DOP1A: variants seen among roughly 807,000 people sequenced by gnomAD.
DOP1A encodes DOP1 leucine zipper like protein A.
DOP1A carries 90 observed loss-of-function variants against 267.6 expected under a neutral mutation model. The ratio of observed to expected loss-of-function variants is 0.34; its 90% confidence interval spans 0.28 to 0.40. The LOEUF (loss-of-function observed/expected upper bound fraction) is 0.40, where lower values mean the gene tolerates loss of function less well. DOP1A is among the 10% of genes least tolerant of loss of function. The pLI is 1.00. For missense variants in DOP1A, 2,437 were observed against 2,900.4 expected (o/e 0.84, Z 3.67); for synonymous variants, 932 against 999.1 (o/e 0.93, Z 1.27).
At chr6:83,134,071 G>T in intron 18 of DOP1A, 116 bp from the exon 19 acceptor site, 1 of 650,066 alleles carries the variant, frequency 1.5e-6, no homozygotes, top group South Asian at 2.9e-5. Context: ...ATGTGTGTTT[G>T]AATATTGTGG....
chr6:83,166,009 T>G (rs1785425190), intron 38 of DOP1A: 1 of 302,884 alleles, frequency 3.3e-6, no homozygotes, highest in Non-Finnish European at 6.4e-6. Context: ...TTGGAGCTTC[T>G]TTCAGTCCAG....
Position 83,121,995 on chromosome 6 carries a change from G to C in DOP1A, c.1165G>C (p.Glu389Gln). The C allele has an allele frequency of 6.2e-7, 1 of 1,611,648 alleles. No individual in the cohort carries two copies. The highest frequency in any genetic ancestry group is 8.5e-7 in the Non-Finnish European group (1 of 1,178,220). ...AACATTATATTCTCAATGCAAAGCAGAGTTGGATCTTCAAACTGAACCACC... is the reference window on the plus strand; with the variant it reads ...AACATTATATTCTCAATGCAAAGCACAGTTGGATCTTCAAACTGAACCACC... ...FRTLYSQCKA[E>Q]LDLQTEPPFS... The change falls in exon 11 of 39, where the codon GAG becomes CAG. Residue 389 changes from glutamate to glutamine, a missense_variant. Glu to Gln is a conservative substitution (Grantham distance 29). Around this residue, in one of 9 missense-constraint regions of DOP1A, gnomAD observed 498 missense variants for 513.5 expected, o/e 0.97. Transcript: ENST00000349129.
Position 83,140,120 on chromosome 6 carries a change from G to A in DOP1A, c.5232+9G>A. 7.5e-6 allele frequency: 12 copies of A among 1,608,534 alleles called. No individual in the cohort carries two copies. The highest frequency in any genetic ancestry group is 9.4e-6 in the Non-Finnish European group (11 of 1,176,288). On this transcript the variant is annotated intron_variant, in intron 22 of 38. Transcript: ENST00000349129. ...CTACACAGTATCACCAAGTAAGACT[G>A]CACAAATATTTGACTTCTTTTGAAA...
At chr6:83,081,269 G>A (rs546316692) in intron 1 of DOP1A, among the ~76,000 whole-genome samples, 69 of 152,008 alleles carry the variant, frequency 4.5e-4, no homozygotes, top group Non-Finnish European at 3.7e-4. Context: ...CACCATGCCC[G>A]GCTAATTTTT....
At position 83,074,310 on chromosome 6, in the gene DOP1A, GTTAT is replaced by G. The variant is rs1195778126; in HGVS notation, c.-147+6537_-147+6540del. Among the ~76,000 whole-genome samples the G allele has an allele frequency of 3.3e-5, 5 of 151,832 alleles. No individual in the cohort carries two copies. The South Asian group carries it at 1.0e-3, about 32-fold the overall frequency. On this transcript the variant is annotated intron_variant, in intron 1 of 38. Transcript: ENST00000349129. ...GATTTTATTTATTTATTTATTTATTGTTATTTATTATGAGATGAAAGGAGGAAAT... is the reference window on the plus strand; with the variant it reads ...GATTTTATTTATTTATTTATTTATTGTTATTATGAGATGAAAGGAGGAAAT...
At chr6:83,105,266 G>T (rs189153088) in intron 4 of DOP1A, among the ~76,000 whole-genome samples, 5 of 144,848 alleles carry the variant, frequency 3.5e-5, no homozygotes, top group African/African-American at 1.3e-4. Flanking sequence ...AACGCTATTT[G>T]TTATACTCAA....
intron 18 of DOP1A, among the ~76,000 whole-genome samples, chr6:83,133,053 TTAAA>T (rs1168174433): frequency 6.6e-6 from 1 of 152,152 alleles, no homozygotes; most frequent in Non-Finnish European, 1.5e-5. Flanking sequence ...AGGAATTGTG[TTAAA>T]TAAATGAAAC....
At chr6:83,113,581 A>G (rs966664537) in intron 7 of DOP1A, among the ~76,000 whole-genome samples, 160 bp downstream of exon 7, 2 of 151,100 alleles carry the variant, frequency 1.3e-5, no homozygotes, top group East Asian at 1.9e-4. Flanking sequence ...ATTTGTTGTG[A>G]AAAAAAACTA....
chr6:83,160,075 T>G lies in DOP1A; in HGVS notation c.6962+115T>G, dbSNP rs1010106651. 1.4e-5 allele frequency: 14 copies of G among 976,576 alleles called. No homozygotes were observed. In the East Asian group the frequency reaches 3.0e-4, roughly 21 times the overall value. The allele number at this position is 976,576 out of a possible 1,614,324, so 60.5% of individuals were successfully genotyped here. ...TGTAAGTTGAAATATTCCTAATTTT[T>G]ACTAAAATGTAATTCTTTTGGCACA... On this transcript the variant is annotated intron_variant, in intron 37 of 38. Transcript: ENST00000349129.
At position 83,151,636 on chromosome 6, in the gene DOP1A, A is replaced by G; in HGVS notation, c.5881A>G (p.Lys1961Glu). 1 of 1,609,202 alleles carries G rather than the reference A, an allele frequency of 6.2e-7. No homozygotes were observed. Among genetic ancestry groups the G allele is most frequent in the Non-Finnish European group, 8.5e-7 (1 of 1,178,430 alleles). Residue 1961 changes from lysine to glutamate, a missense_variant, in exon 28 of 39, where the codon AAA (lysine) becomes GAA (glutamate). Around this residue, in one of 9 missense-constraint regions of DOP1A, gnomAD observed 216 missense variants for 283.3 expected, o/e 0.76. Coordinates refer to ENST00000349129, the MANE Select transcript of DOP1A (RefSeq NM_015018.4). ...TATGAAAAACCCTAGTTTGGAAAAT[A>G]AAAAAGACCAAAGAGACCTTCAGGT... is the stretch of plus-strand genomic sequence containing the variant. Reference protein sequence around the residue: ...FIMKNPSLENKKDQRDLQDVT... With the variant: ...FIMKNPSLENEKDQRDLQDVT...
downstream of DOP1A, chr6:83,170,467 C>T (rs1386270701): frequency 2.5e-6 from 4 of 1,613,770 alleles, no homozygotes; most frequent in Non-Finnish European, 2.5e-6. Context: ...TAATAACTCT[C>T]CTGTCTGCAA....
intron 3 of DOP1A, among the ~76,000 whole-genome samples, chr6:83,098,409 T>C (rs1225368146): frequency 6.6e-6 from 1 of 152,198 alleles, no homozygotes; most frequent in African/African-American, 2.4e-5. Flanking sequence ...ATTTGGACAC[T>C]ATCTACCTGG....
intron 1 of DOP1A, among the ~76,000 whole-genome samples, chr6:83,093,230 T>C (rs1770799767): frequency 6.6e-6 from 1 of 152,224 alleles, no homozygotes; most frequent in Non-Finnish European, 1.5e-5. Flanking sequence ...CATGGTATGC[T>C]GAAGCAAAAT....
chr6:83,152,109 T>C, intron 29 of DOP1A, 82 bp downstream of exon 29: 2 of 1,501,134 alleles, frequency 1.3e-6, no homozygotes, highest in Non-Finnish European at 1.8e-6. Flanking sequence ...GCACTATAAG[T>C]ACCACAAATT....
chr6:83,114,489 T>C (rs939705885), intron 7 of DOP1A, among the ~76,000 whole-genome samples: 4 of 152,186 alleles, frequency 2.6e-5, no homozygotes, highest in African/African-American at 7.2e-5. Flanking sequence ...AAGAAGAATA[T>C]GCCAAAGCAA....
rs532269179 is a variant in DOP1A at position 83,105,395 on chromosome 6, C to T, written c.321-3515C>T. On this transcript the variant is annotated intron_variant, in intron 4 of 38. Transcript: ENST00000349129. ...TTTTTTTTTTTTTTTGAGACAGTCT[C>T]GCTCTGTCACCCAAGGTGGAGTGCA... 8.3e-3 allele frequency among the ~76,000 whole-genome samples: 903 copies of T among 108,782 alleles called. 16 individuals carry two copies. The highest frequency in any genetic ancestry group is 0.029 in the African/African-American group (847 of 28,830). 71.4% of individuals were successfully genotyped at this position (108,782 alleles called of 152,430 possible).
At chr6:83,074,173 C>G (rs866979666) in intron 1 of DOP1A, among the ~76,000 whole-genome samples, 12 of 152,258 alleles carry the variant, frequency 7.9e-5, no homozygotes, top group African/African-American at 2.6e-4. Context: ...ACTTAAAATG[C>G]ACTTGAAAAT....
At position 83,159,653 on chromosome 6, in the gene DOP1A, T is replaced by G. The variant is rs962831903; in HGVS notation, c.6798-143T>G. 3.3e-6 allele frequency: 3 copies of G among 900,278 alleles called. No individual in the cohort carries two copies. The Admixed American group carries it at 7.1e-5, about 21-fold the overall frequency. The allele number at this position is 900,278 out of a possible 1,614,324, so 55.8% of individuals were successfully genotyped here. On this transcript the variant is annotated intron_variant, in intron 36 of 38. Transcript: ENST00000349129. ...ATTTTTGATTTGAAAACAGTGACAT[T>G]TCATCATGACCTTGCTTAGCAATTA...
rs1239007438 is a variant in DOP1A at position 83,119,757 on chromosome 6, A to G, written c.890A>G (p.Asn297Ser). The G allele has an allele frequency of 6.2e-7, 1 of 1,610,654 alleles. No individual in the cohort carries two copies. Among genetic ancestry groups the G allele is most frequent in the South Asian group, 1.1e-5 (1 of 90,410 alleles). The change falls in exon 9 of 39, where the codon AAC (asparagine) becomes AGC (serine). Residue 297 changes from asparagine (N) to serine (S), a missense_variant. This residue lies in a region of DOP1A where 251 missense variants were observed against 359.1 expected (regional missense o/e 0.70). Coordinates refer to ENST00000349129, the MANE Select transcript of DOP1A (RefSeq NM_015018.4). ...ATTTGTTTCCATGGAGGTTTTGATA[A>G]CAACGGTGCTATCATAGGACCCAGA... ...RLYAWLLGFD[N>S]NGAIIGPRST...
Sources: allele counts gnomAD v4.1 joint callset (sites outside exome capture counted in the v4.1 genomes callset), GRCh38; gene constraint gnomAD v4.1.1; regional missense constraint gnomAD v4.1.1; transcripts MANE v1.5; gene names NCBI Gene and HGNC (gene_info 2026-07-23, HGNC 2026-07-21).